The following ASB14 variants were observed in gnomAD, a reference collection of about 807,000 sequenced individuals.
ASB14 encodes ankyrin repeat and SOCS box containing 14, also known as ankyrin repeat and SOCS box protein 14.
ASB14 carries 63 observed loss-of-function variants against 55.6 expected under a neutral mutation model. The ratio of observed to expected loss-of-function variants is 1.13; its 90% CI spans 0.92 to 1.40. The LOEUF is 1.40. Among genes scored for constraint, ASB14 ranks in the 40% most tolerant of loss-of-function variants. The probability of loss-of-function intolerance (pLI) is 0.00; values close to 1 mark genes in which losing one functional copy is unlikely to be tolerated. For synonymous variants in ASB14, 256 were observed against 259.9 expected, an observed-to-expected ratio of 0.98 and a Z score of 0.15; for missense variants, 724 against 710.4, an observed-to-expected ratio of 1.02 and a Z score of -0.22.
At chr3:57,291,507 TCAAA>T (rs1319942850) in intron 2 of ASB14, among the ~76,000 whole-genome samples, 5 of 152,220 alleles carry the variant, frequency 3.3e-5, no homozygotes, top group Admixed American at 6.5e-5. Flanking sequence ...TTTGAGTAGA[TCAAA>T]GACTGGACCC....
intron 2 of ASB14, among the ~76,000 whole-genome samples, chr3:57,290,184 A>G (rs1435862857): frequency 6.6e-6 from 1 of 152,180 alleles, no homozygotes; most frequent in Non-Finnish European, 1.5e-5. Context: ...TCAGAAATCC[A>G]AAACAGTCCT....
intron 5 of ASB14, among the ~76,000 whole-genome samples, chr3:57,285,762 G>A (rs1211185965): frequency 6.6e-6 from 1 of 152,062 alleles, no homozygotes; most frequent in East Asian, 1.9e-4. Context: ...CCATGGTCTT[G>A]AAGAAGCCTC....
At chr3:57,282,516 T>C (rs916148745) in intron 6 of ASB14, among the ~76,000 whole-genome samples, 1 of 152,114 alleles carries the variant, frequency 6.6e-6, no homozygotes. Flanking sequence ...GGATTCAAAA[T>C]GCCCACAGCT....
chr3:57,292,362 T>C (rs2061140163), intron 1 of ASB14, among the ~76,000 whole-genome samples: 1 of 152,210 alleles, frequency 6.6e-6, no homozygotes, highest in Non-Finnish European at 1.5e-5. Flanking sequence ...CTCTGATCTG[T>C]TCAACTTGGC....
chr3:57,280,559 A>T, intron 6 of ASB14, 86 bp from the exon 7 acceptor site: 1 of 1,256,230 alleles, frequency 8.0e-7, no homozygotes, highest in South Asian at 1.5e-5. Context: ...CCCATCACCA[A>T]AAAGCAATTA....
At chr3:57,278,161 CAG>C (rs2061005866) in intron 8 of ASB14, among the ~76,000 whole-genome samples, 1 of 152,128 alleles carries the variant, frequency 6.6e-6, no homozygotes, top group Non-Finnish European at 1.5e-5. Context: ...CACTGCTAGG[CAG>C]AGTTAAATCA....
At chr3:57,273,311 T>C (rs2060959477) in intron 10 of ASB14, 1 of 152,662 alleles carries the variant, frequency 6.6e-6, no homozygotes, top group African/African-American at 2.4e-5. Context: ...AGAACTCGAC[T>C]TTATGTGATC....
In ASB14 at chr3:57,278,910, T is replaced by C. The variant is rs2061013910; in HGVS notation, c.898A>G (p.Ile300Val). ...ADRGHLLALKILIPVTDLAAI... is the reference protein window; with the variant it reads ...ADRGHLLALKVLIPVTDLAAI... Reference sequence around the variant, plus strand: ...GCAAGATCCGTAACTGGAATCAGTATCTTTAGAGCTCTGAGAAAGAATTTC... The same window carrying C: ...GCAAGATCCGTAACTGGAATCAGTACCTTTAGAGCTCTGAGAAAGAATTTC... The change falls in exon 8 of 11, where the codon ATA becomes GTA. Residue 300 changes from isoleucine (I) to valine (V), a missense_variant. Coordinates refer to ENST00000487349, the MANE Select transcript of ASB14 (RefSeq NM_001142733.3). 1.9e-6 allele frequency: 3 copies of C among 1,608,496 alleles called. No individual in the cohort carries two copies. The highest frequency in any genetic ancestry group is 2.2e-5 in the South Asian group (2 of 90,868).
At chr3:57,286,379 T>A (rs2061081078) in intron 5 of ASB14, among the ~76,000 whole-genome samples, 1 of 152,188 alleles carries the variant, frequency 6.6e-6, no homozygotes, top group African/African-American at 2.4e-5. Context: ...CATTTTCACA[T>A]GTATCCTTGA....
chr3:57,279,568 C>G (rs1297966957), intron 7 of ASB14, among the ~76,000 whole-genome samples: 2 of 151,766 alleles, frequency 1.3e-5, no homozygotes, highest in Non-Finnish European at 2.9e-5. Context: ...TGTGGTGGTG[C>G]CCACCTGTAG....
At chr3:57,276,406 C>T (rs1162269040) in intron 10 of ASB14, 122 bp downstream of exon 10, 24 of 687,896 alleles carry the variant, frequency 3.5e-5, no homozygotes, top group Non-Finnish European at 4.2e-5. Flanking sequence ...CTGCCTCAGC[C>T]TCCCAAGCAG....
chr3:57,284,941 GTTT>G (rs10648367), intron 5 of ASB14, among the ~76,000 whole-genome samples: 3 of 132,168 alleles, frequency 2.3e-5, no homozygotes, highest in Middle Eastern at 3.5e-3. Context: ...TTTCAGTGTT[GTTT>G]TTTTTTTTTT....
At chr3:57,285,795 T>C (rs2061076762) in intron 5 of ASB14, among the ~76,000 whole-genome samples, 1 of 152,152 alleles carries the variant, frequency 6.6e-6, no homozygotes, top group Non-Finnish European at 1.5e-5. Flanking sequence ...CCTGACCTGT[T>C]CCAATCTGGA....
chr3:57,276,126 ATTCTT>A (rs897987300), intron 10 of ASB14, among the ~76,000 whole-genome samples: 8 of 151,952 alleles, frequency 5.3e-5, no homozygotes, highest in Non-Finnish European at 1.0e-4. Flanking sequence ...AGTGGCATCT[ATTCTT>A]TTGAGCACAT....
At chr3:57,274,579 C>T (rs1353977824) in intron 10 of ASB14, among the ~76,000 whole-genome samples, 1 of 152,080 alleles carries the variant, frequency 6.6e-6, no homozygotes, top group Non-Finnish European at 1.5e-5. Flanking sequence ...TCCAGCTACT[C>T]GGGAGGCTGA....
At chr3:57,273,057 T>A (rs1258062678) in intron 10 of ASB14, 1 of 152,634 alleles carries the variant, frequency 6.6e-6, no homozygotes, top group African/African-American at 2.4e-5. Flanking sequence ...CATTAACTAG[T>A]AAGACATAAA....
intron 2 of ASB14, among the ~76,000 whole-genome samples, chr3:57,290,448 A>C (rs2061119959): frequency 6.6e-6 from 1 of 152,338 alleles, no homozygotes; most frequent in Admixed American, 6.5e-5. Flanking sequence ...TGGGTAATCC[A>C]GAGTACACCC....
At chr3:57,278,294 A>G in intron 8 of ASB14, 83 bp downstream of exon 8, 4 of 1,076,592 alleles carry the variant, frequency 3.7e-6, no homozygotes, top group Non-Finnish European at 5.5e-6. Context: ...CTCTGGAGAG[A>G]GTGGATGTAA....
At chr3:57,286,578 G>A (rs925004733) in intron 5 of ASB14, among the ~76,000 whole-genome samples, 2 of 152,064 alleles carry the variant, frequency 1.3e-5, no homozygotes, top group South Asian at 2.1e-4. Context: ...AAATGTGTAC[G>A]AGGAGCCTTG....
Sources: gnomAD v4.1 joint callset for allele counts (sites outside exome capture counted in the v4.1 genomes callset) on GRCh38, gnomAD v4.1.1 for gene constraint, MANE v1.5 for transcripts, NCBI Gene and HGNC (gene_info 2026-07-23, HGNC 2026-07-21) for gene names.